Variants in POLR1C observed in about 807,000 individuals in gnomAD.
The protein encoded by POLR1C is DNA-directed RNA polymerases I and III subunit RPAC1.
POLR1C carries 42 observed loss-of-function variants against 38.3 expected under a neutral mutation model. That is an observed-to-expected ratio of 1.10 (90% CI 0.86 to 1.42). The LOEUF is 1.42. Ranked by LOEUF, POLR1C falls within the 40% of genes most tolerant of loss-of-function variation. The pLI, the probability that POLR1C is intolerant of heterozygous loss-of-function variation, is 0.00. For synonymous variants in POLR1C, 163 were observed against 163.9 expected, an observed-to-expected ratio of 0.99 and a Z score of 0.04; for missense variants, 507 against 450.5, an observed-to-expected ratio of 1.13 and a Z score of -1.14.
Position 43,521,064 on chromosome 6 carries a change from T to C in POLR1C, c.922+16T>C, listed in dbSNP as rs201731980. 2.6e-4 allele frequency: 417 copies of C among 1,602,604 alleles called. 3 individuals are homozygous for C. The highest frequency in any genetic ancestry group is 1.5e-3 in the Admixed American group (87 of 59,994). ...CATTATATCTGTGAGTATGAAGTGG[T>C]GAGATGAGTGGGCAGTGCTCTTTGG... On this transcript the variant is annotated intron_variant, in intron 8 of 8. Coordinates refer to ENST00000642195, the MANE Select transcript of POLR1C (RefSeq NM_203290.4).
intron 10 of POLR1C, among the ~76,000 whole-genome samples, chr6:43,553,079 C>T (rs567871975): frequency 6.6e-6 from 1 of 152,068 alleles, no homozygotes; most frequent in South Asian, 2.1e-4. Flanking sequence ...TTTGGGAGGC[C>T]AAGGCAGGAG....
At chr6:43,544,812 A>G (rs1270855488) in intron 9 of POLR1C, among the ~76,000 whole-genome samples, 1 of 152,170 alleles carries the variant, frequency 6.6e-6, no homozygotes, top group Non-Finnish European at 1.5e-5. Flanking sequence ...CTCTCAGTAC[A>G]AGTCCTACTT....
downstream of POLR1C, chr6:43,525,098 T>G (rs772237906): frequency 2.5e-6 from 4 of 1,570,490 alleles, no homozygotes; most frequent in South Asian, 4.7e-5. Flanking sequence ...AAGGGGTGAA[T>G]AACCATACTT....
At chr6:43,538,017 G>A (rs1166106324) in intron 9 of POLR1C, among the ~76,000 whole-genome samples, 30 of 149,578 alleles carry the variant, frequency 2.0e-4, no homozygotes, top group African/African-American at 3.9e-4. Flanking sequence ...CCCGGGAGGC[G>A]GAGGGTGCAG....
intron 10 of POLR1C, chr6:43,556,138 T>C: frequency 2.4e-6 from 2 of 823,558 alleles, no homozygotes; most frequent in Non-Finnish European, 3.6e-6. Flanking sequence ...AATCCAGAAG[T>C]TTTTGAAAAT....
chr6:43,538,214 A>C lies in POLR1C; in HGVS notation c.*4+8855A>C, dbSNP rs1477848760. On this transcript the variant is annotated intron_variant, in intron 9 of 10. Coordinates refer to the POLR1C transcript ENST00000607635. ...GCTCAGGCTGGAGTACAATGGCGTG[A>C]TCTCAGCTCAATGCAACCTCCGCCT... is the stretch of plus-strand genomic sequence containing the variant. Among the ~76,000 whole-genome samples the C allele has an allele frequency of 2.6e-5, 3 of 115,338 alleles. No individual in the cohort carries two copies. In the Admixed American group the frequency reaches 3.9e-4, roughly 15 times the overall value. 75.7% of individuals were successfully genotyped at this position (115,338 alleles called of 152,430 possible). A position where few individuals can be genotyped will look rare whatever the true frequency, so the allele number is the denominator to read the frequency against.
intron 10 of POLR1C, chr6:43,560,846 CAAT>C: frequency 8.5e-7 from 1 of 1,183,004 alleles, no homozygotes; most frequent in South Asian, 1.2e-5. Context: ...ACATGATCTA[CAAT>C]AATATTTCAG....
At chr6:43,528,260 T>C in intron 8 of POLR1C, 3 of 1,520,604 alleles carry the variant, frequency 2.0e-6, no homozygotes, top group African/African-American at 1.4e-5. Context: ...TTGGAACACA[T>C]AATATCTAAA....
chr6:43,546,698 T>G (rs779573241), intron 9 of POLR1C: 65 of 1,612,618 alleles, frequency 4.0e-5, no homozygotes, highest in Non-Finnish European at 5.4e-5. Context: ...TCTAGGTCAG[T>G]GGGCCAGCAA....
chr6:43,527,988 T>G (rs1793708001), intron 8 of POLR1C, among the ~76,000 whole-genome samples: 1 of 152,352 alleles, frequency 6.6e-6, no homozygotes, highest in African/African-American at 2.4e-5. Context: ...TCTCAGAGTC[T>G]GCCTGCTGGT....
downstream of POLR1C, chr6:43,522,791 C>T (rs934103911): frequency 2.3e-6 from 1 of 425,786 alleles, no homozygotes; most frequent in Non-Finnish European, 5.1e-6. Context: ...TATGGATTAA[C>T]TCTGCCTTAC....
downstream of POLR1C, among the ~76,000 whole-genome samples, chr6:43,532,469 T>TA (rs944516243): frequency 6.6e-6 from 1 of 152,214 alleles, no homozygotes; most frequent in African/African-American, 2.4e-5. Context: ...GAACAAGGTT[T>TA]AGACAACTGA....
rs371263530 is a variant in POLR1C, at chr6:43,556,893, C to T, written c.*49-4507C>T. ...CCTATAATCCAGCACTTTGGGACGC[C>T]AAGGCAGGTGAATCAGCTGAGGTCG... On this transcript the variant is annotated intron_variant, in intron 10 of 10. Coordinates refer to the POLR1C transcript ENST00000607635. 3.3e-5 allele frequency among the ~76,000 whole-genome samples: 5 copies of T among 151,986 alleles called. No individual in the cohort carries two copies. In the East Asian group the frequency reaches 9.6e-4, roughly 29 times the overall value.
chr6:43,520,243 G>A (rs1174980067), intron 5 of POLR1C, 32 bp from the exon 6 acceptor site: 2 of 1,613,538 alleles, frequency 1.2e-6, no homozygotes, highest in East Asian at 2.2e-5. Context: ...TAGTTTTAGG[G>A]ACTGAGATCT....
chr6:43,536,747 G>A (rs1220983585), intron 9 of POLR1C, among the ~76,000 whole-genome samples: 2 of 103,376 alleles, frequency 1.9e-5, no homozygotes, highest in African/African-American at 8.5e-5. Flanking sequence ...ACGACAGAGT[G>A]AGACTCTATC....
At chr6:43,525,827 CCTT>C, downstream of POLR1C, 1 of 1,613,894 alleles carries the variant, frequency 6.2e-7, no homozygotes, top group Non-Finnish European at 8.5e-7. Context: ...ATCACCTGCT[CCTT>C]CTACCCACCT....
At chr6:43,525,691 C>A (rs144041302), downstream of POLR1C, 130 of 810,228 alleles carry the variant, frequency 1.6e-4, no homozygotes, top group East Asian at 3.5e-4. Context: ...CCTTTTCCCT[C>A]GGTTTTTTCT....
chr6:43,535,245 G>A (rs938867232), intron 9 of POLR1C, among the ~76,000 whole-genome samples: 4 of 151,492 alleles, frequency 2.6e-5, no homozygotes, highest in Admixed American at 2.0e-4. Flanking sequence ...GGGCAACAGA[G>A]CGAGACTCTG....
intron 10 of POLR1C, among the ~76,000 whole-genome samples, chr6:43,557,157 T>C (rs1762134951): frequency 7.1e-6 from 1 of 141,710 alleles, no homozygotes; most frequent in South Asian, 2.2e-4. Context: ...CTGGGTGTGG[T>C]GGCTTACGCC....
Sources: allele counts gnomAD v4.1 joint callset (sites outside exome capture counted in the v4.1 genomes callset), GRCh38; gene constraint gnomAD v4.1.1; transcripts MANE v1.5; gene names NCBI Gene and HGNC (gene_info 2026-07-23, HGNC 2026-07-21).